The following TRPS1 variants were observed in gnomAD, a reference collection of about 807,000 sequenced individuals.
The protein encoded by TRPS1 is zinc finger transcription factor Trps1.
Under a neutral mutation model 101.2 loss-of-function variants are expected in TRPS1, and 6 were observed. That is an observed-to-expected ratio of 0.06 (90% CI 0.03 to 0.12). The LOEUF is 0.12. Ranked by LOEUF, TRPS1 falls within the 10% of genes least tolerant of loss-of-function variation. The pLI is 1.00. For synonymous variants in TRPS1, 578 were observed against 589.8 expected, an observed-to-expected ratio of 0.98 and a Z score of 0.29; for missense variants, 1,363 against 1,567.0, an observed-to-expected ratio of 0.87 and a Z score of 2.20.
At chr8:115,560,759 T>C (rs1816927341) in intron 5 of TRPS1, among the ~76,000 whole-genome samples, 1 of 152,098 alleles carries the variant, frequency 6.6e-6, no homozygotes. Flanking sequence ...GCAGACACCA[T>C]GGTAGGAAAA....
intron 1 of TRPS1, among the ~76,000 whole-genome samples, chr8:115,633,026 G>A (rs1163873477): frequency 6.6e-6 from 1 of 150,808 alleles, no homozygotes; most frequent in Non-Finnish European, 1.5e-5. Context: ...TTGCTCTGCA[G>A]AGAGCATGGA....
Position 115,579,814 on chromosome 8 carries a change from A to C in TRPS1, c.2700+7187T>G, listed in dbSNP as rs142540826. Among the ~76,000 whole-genome samples the C allele has an allele frequency of 3.3e-3, 506 of 152,234 alleles. 2 individuals are homozygous for C. The highest frequency in any genetic ancestry group is 7.2e-3 in the Admixed American group (110 of 15,276). ...ATTAAGAAACTGCCTTGTTTAAAAGAGGCAAGTTAACATATAAAATTACAA... is the reference window on the plus strand; with the variant it reads ...ATTAAGAAACTGCCTTGTTTAAAAGCGGCAAGTTAACATATAAAATTACAA... On this transcript the variant is annotated intron_variant, in intron 5 of 6. Coordinates refer to ENST00000395715, the MANE Select transcript of TRPS1 (RefSeq NM_014112.5).
At chr8:115,561,380 T>G (rs1387685757) in intron 5 of TRPS1, among the ~76,000 whole-genome samples, 1 of 151,964 alleles carries the variant, frequency 6.6e-6, no homozygotes, top group Non-Finnish European at 1.5e-5. Flanking sequence ...TTTAGGAAGC[T>G]GATCTGAACA....
intron 4 of TRPS1, among the ~76,000 whole-genome samples, chr8:115,602,809 G>C (rs1817938971): frequency 6.6e-6 from 1 of 152,152 alleles, no homozygotes; most frequent in Non-Finnish European, 1.5e-5. Context: ...TACCCAATGA[G>C]CACTAAATAA....
At chr8:115,566,701 T>C (rs560297344) in intron 5 of TRPS1, among the ~76,000 whole-genome samples, 2 of 152,164 alleles carry the variant, frequency 1.3e-5, no homozygotes, top group Non-Finnish European at 2.9e-5. Context: ...CTTCAACCTC[T>C]ATCTGTAAAA....
At chr8:115,586,878 C>T in intron 5 of TRPS1, 123 bp downstream of exon 5, 1 of 1,558,432 alleles carries the variant, frequency 6.4e-7, no homozygotes, top group Non-Finnish European at 8.7e-7. Flanking sequence ...AGTATAAATC[C>T]CCAGATTGAG....
chr8:115,578,244 C>T (rs563926872), intron 5 of TRPS1, among the ~76,000 whole-genome samples: 1 of 152,154 alleles, frequency 6.6e-6, no homozygotes, highest in South Asian at 2.1e-4. Context: ...AGAAGTTAAT[C>T]CTTAAATATT....
At chr8:115,611,103 C>T (rs1367912247) in intron 3 of TRPS1, among the ~76,000 whole-genome samples, 1 of 121,744 alleles carries the variant, frequency 8.2e-6, no homozygotes, top group Admixed American at 9.3e-5. Context: ...GGCAACAGAG[C>T]AAGACTCCAT....
intron 5 of TRPS1, among the ~76,000 whole-genome samples, chr8:115,564,360 T>C (rs1269709935): frequency 1.3e-5 from 2 of 152,130 alleles, no homozygotes; most frequent in African/African-American, 4.8e-5. Context: ...CCTCTAGCTA[T>C]ACCTGTTTTT....
At chr8:115,583,275 A>C (rs1817491321) in intron 5 of TRPS1, among the ~76,000 whole-genome samples, 1 of 152,050 alleles carries the variant, frequency 6.6e-6, no homozygotes, top group Admixed American at 6.5e-5. Flanking sequence ...CATCATAAAA[A>C]AAAAACTTGT....
At chr8:115,513,838 G>A (rs1327279359) in intron 5 of TRPS1, among the ~76,000 whole-genome samples, 1 of 151,606 alleles carries the variant, frequency 6.6e-6, no homozygotes, top group African/African-American at 2.4e-5. Context: ...CTGTTGAATA[G>A]TGTCCTGTGA....
At chr8:115,587,896 GCATA>G (rs1817604752) in intron 4 of TRPS1, among the ~76,000 whole-genome samples, 2 of 152,162 alleles carry the variant, frequency 1.3e-5, no homozygotes, top group South Asian at 4.1e-4. Context: ...GTGCTTGTGC[GCATA>G]CATTCCAGGT....
intron 5 of TRPS1, among the ~76,000 whole-genome samples, chr8:115,579,471 C>T (rs1817393965): frequency 1.3e-5 from 2 of 152,028 alleles, no homozygotes; most frequent in Admixed American, 1.3e-4. Context: ...TGTAACACTA[C>T]AGGCAAATGC....
intron 5 of TRPS1, among the ~76,000 whole-genome samples, chr8:115,456,013 T>C (rs928292411): frequency 6.6e-6 from 1 of 152,050 alleles, no homozygotes; most frequent in Admixed American, 6.6e-5. Context: ...CTCGATCTCC[T>C]GACCTCATGA....
At chr8:115,427,773 C>CA (rs1244692637) in intron 5 of TRPS1, among the ~76,000 whole-genome samples, 2 of 144,748 alleles carry the variant, frequency 1.4e-5, no homozygotes, top group Admixed American at 1.5e-4. Context: ...TCAGATATGG[C>CA]AACGAGCTGT....
chr8:115,570,464 C>A (rs1817174571), intron 5 of TRPS1, among the ~76,000 whole-genome samples: 4 of 151,890 alleles, frequency 2.6e-5, no homozygotes, highest in Admixed American at 2.6e-4. Context: ...TGATTTTAGA[C>A]CTCCTAAAAG....
At position 115,604,188 on chromosome 8, in the gene TRPS1, A is replaced by G. The variant is rs1419044849; in HGVS notation, c.1781T>C (p.Ile594Thr). The stretch of plus-strand genomic sequence containing the variant: ...TTTTCTACAAGCAAACGGATAAGTA[A>G]TTTCTCCAAGGTGCTTTTCTGGGCT... ...LCSPEKHLGEITYPFACRKSN... is the reference protein window; with the variant it reads ...LCSPEKHLGETTYPFACRKSN... The change falls in exon 4 of 7, where the codon ATT (isoleucine) becomes ACT (threonine). Residue 594 changes from isoleucine (I) to threonine (T), a missense_variant. Physicochemically the swap from Ile to Thr is moderately conservative, Grantham distance 89. This residue lies in a region of TRPS1 where 1,020 missense variants were observed against 1,073.0 expected (regional missense o/e 0.95). Transcript: ENST00000395715. This position sits in a 1 kb window ranked among gnomAD's most constrained non-coding sequence, Gnocchi z 4.1. 6.2e-7 allele frequency: 1 copy of G among 1,614,078 alleles called. No homozygotes were observed. The highest frequency in any genetic ancestry group is 1.7e-5 in the Admixed American group (1 of 59,974).
intron 5 of TRPS1, among the ~76,000 whole-genome samples, chr8:115,459,553 CAAAGTTAAATGAG>C (rs1211341821): frequency 6.6e-6 from 1 of 152,008 alleles, no homozygotes; most frequent in African/African-American, 2.4e-5. Context: ...TGTAGAATGA[CAAAGTTAAATGAG>C]AAAGTTAGTG....
chr8:115,524,470 G>C (rs548754094), intron 5 of TRPS1, among the ~76,000 whole-genome samples: 1 of 151,618 alleles, frequency 6.6e-6, no homozygotes, highest in African/African-American at 2.4e-5. Flanking sequence ...ACAGGCATGC[G>C]CCACCACGCC....
Sources: gnomAD v4.1 joint callset for allele counts (sites outside exome capture counted in the v4.1 genomes callset) on GRCh38, gnomAD v4.1.1 for gene constraint, gnomAD v4.1.1 regional missense constraint, Gnocchi (gnomAD v3.1) non-coding constraint, MANE v1.5 for transcripts, NCBI Gene and HGNC (gene_info 2026-07-23, HGNC 2026-07-21) for gene names.